The following ZDHHC14 variants were observed in gnomAD, a reference collection of about 807,000 sequenced individuals.
ZDHHC14 encodes zDHHC palmitoyltransferase 14.
Under a neutral mutation model 47.7 loss-of-function variants are expected in ZDHHC14, and 16 were observed. The observed-to-expected ratio is 0.34, with a 90% CI of 0.23 to 0.51. ZDHHC14 has a LOEUF of 0.51. Ranked by LOEUF, ZDHHC14 falls within the 20% of genes least tolerant of loss-of-function variation. ZDHHC14 has a pLI of 0.97. For missense variants in ZDHHC14, 515 were observed against 662.5 expected, an observed-to-expected ratio of 0.78 and a Z score of 2.44; for synonymous variants, 293 against 278.9, an observed-to-expected ratio of 1.05 and a Z score of -0.50.
intron 1 of ZDHHC14, among the ~76,000 whole-genome samples, chr6:157,510,833 C>T (rs1780448944): frequency 6.6e-6 from 1 of 152,210 alleles, no homozygotes; most frequent in Non-Finnish European, 1.5e-5. Flanking sequence ...GCCACCAGTC[C>T]CCGAGTTTCC....
At chr6:157,383,930 G>A (rs1777263611) in intron 1 of ZDHHC14, among the ~76,000 whole-genome samples, 1 of 152,180 alleles carries the variant, frequency 6.6e-6, no homozygotes, top group African/African-American at 2.4e-5. Flanking sequence ...GGAAGAAGGG[G>A]CATAGAGGTT....
At chr6:157,458,849 A>ATTTTTTGTTTTTTTTTTTTTTTTT (rs1778992077) in intron 1 of ZDHHC14, among the ~76,000 whole-genome samples, 1 of 81,226 alleles carries the variant, frequency 1.2e-5, no homozygotes, top group Non-Finnish European at 2.3e-5. Context: ...ATGTGGGTGG[A>ATTTTTTGTTTTTTTTTTTTTTTTT]TTTTTTTTTT....
intron 1 of ZDHHC14, among the ~76,000 whole-genome samples, chr6:157,467,060 T>C (rs986946527): frequency 1.3e-5 from 2 of 152,272 alleles, no homozygotes; most frequent in Middle Eastern, 6.8e-3. Flanking sequence ...CCATAAGGCA[T>C]GTTCCCATCT....
At position 157,623,799 on chromosome 6, in the gene ZDHHC14, C is replaced by T. The variant is rs200391145; in HGVS notation, c.566-4550C>T. On this transcript the variant is annotated intron_variant, in intron 3 of 8. Coordinates refer to ENST00000359775, the MANE Select transcript of ZDHHC14 (RefSeq NM_024630.3). ...TCCTGACCTCGTGATCTGCCCGCCTCGGCCTCCCAAAATGCTGGGATTGCA... is the reference window on the plus strand; with the variant it reads ...TCCTGACCTCGTGATCTGCCCGCCTTGGCCTCCCAAAATGCTGGGATTGCA... 5.9e-5 allele frequency among the ~76,000 whole-genome samples: 9 copies of T among 152,108 alleles called. No individual in the cohort carries two copies. The East Asian group carries it at 9.7e-4, about 16-fold the overall frequency.
At chr6:157,549,517 A>G (rs1012873246) in intron 2 of ZDHHC14, among the ~76,000 whole-genome samples, 18 of 152,172 alleles carry the variant, frequency 1.2e-4, no homozygotes, top group African/African-American at 4.3e-4. Context: ...ATCCTAGAAA[A>G]AAATGTAGCT....
At chr6:157,540,671 A>G (rs4349836) in intron 1 of ZDHHC14, among the ~76,000 whole-genome samples, 60,237 of 151,786 alleles carry the variant, frequency 0.4, 12,110 homozygotes, top group Admixed American at 0.45. Context: ...ATTAATCTTG[A>G]GAAGGGGGAA....
chr6:157,397,498 G>T (rs1209412006), intron 1 of ZDHHC14, among the ~76,000 whole-genome samples: 1 of 152,076 alleles, frequency 6.6e-6, no homozygotes, highest in East Asian at 1.9e-4. Context: ...AGCCAGCGAG[G>T]CTCCGTGTCT....
At chr6:157,454,505 T>C (rs1328554338) in intron 1 of ZDHHC14, among the ~76,000 whole-genome samples, 1 of 151,280 alleles carries the variant, frequency 6.6e-6, no homozygotes. Context: ...CTTCTTTTTT[T>C]TTTTTTTTTT....
At chr6:157,655,106 C>T (rs1778026317) in intron 8 of ZDHHC14, among the ~76,000 whole-genome samples, 1 of 152,128 alleles carries the variant, frequency 6.6e-6, no homozygotes, top group South Asian at 2.1e-4. Context: ...TTTGGGGAAA[C>T]AGCTTGTTTG....
intron 1 of ZDHHC14, among the ~76,000 whole-genome samples, chr6:157,444,064 C>T (rs1045779410): frequency 6.6e-6 from 1 of 152,158 alleles, no homozygotes; most frequent in African/African-American, 2.4e-5. Flanking sequence ...GTTTATTCCT[C>T]ACAATGATCT....
rs1387111306 is a variant in ZDHHC14 at position 157,582,559 on chromosome 6, G to C, written c.407-10429G>C. On this transcript the variant is annotated intron_variant, in intron 2 of 8. Transcript: ENST00000359775. This position sits in a 1 kb window ranked among gnomAD's most constrained non-coding sequence, Gnocchi z 4.3. ...TCTTTAAGAATGCTGAATATAGCCT[G>C]ATCTCTTCTGGCTTTTAGGGCTTCT... Among the ~76,000 whole-genome samples, 1 of 152,168 alleles carries C rather than the reference G, an allele frequency of 6.6e-6. No individual in the cohort carries two copies. Among genetic ancestry groups the C allele is most frequent in the Non-Finnish European group, 1.5e-5 (1 of 68,024 alleles).
At chr6:157,647,844 C>G (rs965535528) in intron 7 of ZDHHC14, among the ~76,000 whole-genome samples, 1 of 152,216 alleles carries the variant, frequency 6.6e-6, no homozygotes, top group South Asian at 2.1e-4. Flanking sequence ...GTAATAATGA[C>G]GATGACACGA....
chr6:157,672,580 T>C (rs1778845176), intron 8 of ZDHHC14, 144 bp from the exon 9 acceptor site: 1 of 899,430 alleles, frequency 1.1e-6, no homozygotes, highest in South Asian at 1.8e-5. Flanking sequence ...AGGCGCTCCC[T>C]GCCTGGCTGA....
intron 2 of ZDHHC14, among the ~76,000 whole-genome samples, chr6:157,561,556 A>G (rs1782708616): frequency 6.6e-6 from 1 of 152,218 alleles, no homozygotes; most frequent in Non-Finnish European, 1.5e-5. Flanking sequence ...GGGGACAAAA[A>G]TGACAAAGCA....
chr6:157,396,343 C>T (rs1777522443), intron 1 of ZDHHC14, among the ~76,000 whole-genome samples: 1 of 152,078 alleles, frequency 6.6e-6, no homozygotes, highest in African/African-American at 2.4e-5. Flanking sequence ...TTTATATAAT[C>T]AAAGCAATTT....
At chr6:157,591,005 C>T (rs889175341) in intron 2 of ZDHHC14, among the ~76,000 whole-genome samples, 17 of 152,212 alleles carry the variant, frequency 1.1e-4, no homozygotes, top group Admixed American at 3.3e-4. Flanking sequence ...TTCGGACTTG[C>T]ATGGGGCCTG....
chr6:157,483,972 AG>A (rs1048639437), intron 1 of ZDHHC14, among the ~76,000 whole-genome samples: 56 of 152,326 alleles, frequency 3.7e-4, no homozygotes, highest in Middle Eastern at 6.8e-3. Context: ...GCCACAAAAA[AG>A]AACAATATGT....
chr6:157,475,987 C>T (rs1192425410), intron 1 of ZDHHC14, among the ~76,000 whole-genome samples: 1 of 152,004 alleles, frequency 6.6e-6, no homozygotes, highest in Non-Finnish European at 1.5e-5. Flanking sequence ...GCAACAAATA[C>T]TTGCATCAAA....
At chr6:157,587,817 A>G (rs1157463632) in intron 2 of ZDHHC14, among the ~76,000 whole-genome samples, 1 of 152,264 alleles carries the variant, frequency 6.6e-6, no homozygotes, top group Non-Finnish European at 1.5e-5. Context: ...CAGACCTCTG[A>G]CAGCCATTTA....
Sources: gnomAD v4.1 joint callset for allele counts (sites outside exome capture counted in the v4.1 genomes callset) on GRCh38, gnomAD v4.1.1 for gene constraint, Gnocchi (gnomAD v3.1) non-coding constraint, MANE v1.5 for transcripts, NCBI Gene and HGNC (gene_info 2026-07-23, HGNC 2026-07-21) for gene names.